The following ISX variants were observed in gnomAD, a reference collection of about 807,000 sequenced individuals.
ISX encodes the protein intestine specific homeobox, also known as intestine-specific homeobox.
Under a neutral mutation model 16.9 loss-of-function variants are expected in ISX, and 15 were observed. The observed-to-expected ratio is 0.89, with a 90% CI of 0.59 to 1.36. The LOEUF (loss-of-function observed/expected upper bound fraction) is 1.36, where lower values mean the gene tolerates loss of function less well. Ranked by LOEUF, ISX falls within the 40% of genes most tolerant of loss-of-function variation. The pLI is 0.00. For synonymous variants in ISX, 125 were observed against 119.7 expected (o/e 1.04, Z -0.29); for missense variants, 316 against 306.1 (o/e 1.03, Z -0.24).
At chr22:35,075,071 C>T (rs73883512) in intron 2 of ISX, among the ~76,000 whole-genome samples, 1,525 of 152,242 alleles carry the variant, frequency 0.01, 28 homozygotes, top group African/African-American at 0.035. Flanking sequence ...AATACAAATA[C>T]GATATACAAA....
At chr22:35,069,357 T>C (rs1372247888) in intron 2 of ISX, among the ~76,000 whole-genome samples, 1 of 152,082 alleles carries the variant, frequency 6.6e-6, no homozygotes, top group Non-Finnish European at 1.5e-5. Flanking sequence ...AGGGCAGGGT[T>C]TCAGGAAACC....
chr22:35,082,567 G>A lies in ISX; in HGVS notation c.279G>A (p.Gln93=). ...RRVRTTFTTE[Q]LHELEKIFHF... is the part of the protein sequence containing the mutation. ...TTCGTACCACCTTCACCACTGAGCAGCTGCATGAGCTGGAGAAGATCTTCC... is the reference window on the plus strand; with the variant it reads ...TTCGTACCACCTTCACCACTGAGCAACTGCATGAGCTGGAGAAGATCTTCC... Residue 93 remains glutamine, a synonymous_variant, in exon 3 of 5, where the codon CAG becomes CAA. Transcript: ENST00000404699. The A allele has an allele frequency of 6.2e-7, 1 of 1,614,190 alleles. No homozygotes were observed. Among genetic ancestry groups the A allele is most frequent in the Non-Finnish European group, 8.5e-7 (1 of 1,180,036 alleles).
rs1002912729 is a variant in ISX at position 35,086,375 on chromosome 22, A to C, written c.*682A>C. ...GTAGAAAGTTTTTTAAATTCTAAAC[A>C]GGATTTAGTGTCTTTAGTTATCTTG... On this transcript the variant is annotated 3_prime_UTR_variant, in exon 5 of 5. Coordinates refer to ENST00000404699, the MANE Select transcript of ISX (RefSeq NM_001303508.2). The C allele has an allele frequency of 1.3e-5, 2 of 153,130 alleles. No individual in the cohort carries two copies. The highest frequency in any genetic ancestry group is 2.9e-5 in the Non-Finnish European group (2 of 68,722). The allele number at this position is 153,130 out of a possible 1,614,324, so 9.5% of individuals were successfully genotyped here.
rs540716813 is a variant in ISX, at chr22:35,087,033, A to G, written c.*1340A>G. 1 of 152,326 alleles carries G rather than the reference A, an allele frequency of 6.6e-6. No individual in the cohort carries two copies. Among genetic ancestry groups the G allele is most frequent in the African/African-American group, 2.4e-5 (1 of 41,556 alleles). 9.4% of individuals were successfully genotyped at this position (152,326 alleles called of 1,614,324 possible). A position where few individuals can be genotyped will look rare whatever the true frequency, so the allele number is the denominator to read the frequency against. On this transcript the variant is annotated 3_prime_UTR_variant, in exon 5 of 5. Coordinates refer to ENST00000404699, the MANE Select transcript of ISX (RefSeq NM_001303508.2). ...TAGGTCTTAGTCCTACACTCCTTCT[A>G]ATTTGCTGTGTAACCTTACCATTAA... is the stretch of plus-strand genomic sequence containing the variant.
Position 35,085,498 on chromosome 22 carries a change from C to A in ISX, c.543C>A (p.Pro181=), listed in dbSNP as rs769706935. 1.9e-6 allele frequency: 3 copies of A among 1,614,082 alleles called. No homozygotes were observed. In the African/African-American group the frequency reaches 4.0e-5, roughly 22 times the overall value. Residue 181 remains proline (P), a synonymous_variant, in exon 5 of 5, where the codon CCC becomes CCA. Coordinates refer to ENST00000404699, the MANE Select transcript of ISX (RefSeq NM_001303508.2). ...TSTALRRLAP[P]TSCCPSAQDQ... ...CTGCTCTGCGCAGGCTGGCTCCTCC[C>A]ACGAGCTGTTGTCCATCGGCTCAAG...
At chr22:35,078,839 C>T (rs556187264) in intron 2 of ISX, among the ~76,000 whole-genome samples, 2 of 152,360 alleles carry the variant, frequency 1.3e-5, no homozygotes, top group African/African-American at 2.4e-5. Context: ...TGCAGGCAAG[C>T]CTGCGGTGAG....
In ISX at chr22:35,067,185, T is replaced by A; in HGVS notation, c.98T>A (p.Ile33Asn). 1 of 1,612,960 alleles carries A rather than the reference T, an allele frequency of 6.2e-7. No individual in the cohort carries two copies. The highest frequency in any genetic ancestry group is 8.5e-7 in the Non-Finnish European group (1 of 1,179,424). Reference protein sequence around the residue: ...APKKLSLSFSIEAILKRPARR... With the variant: ...APKKLSLSFSNEAILKRPARR... ...AAGAAGCTGAGCCTGTCCTTCTCCA[T>A]TGAGGCGATCCTAAAGAGGCCTGCC... The change falls in exon 2 of 5, where the codon ATT becomes AAT. Residue 33 changes from isoleucine to asparagine, a missense_variant. Coordinates refer to ENST00000404699, the MANE Select transcript of ISX (RefSeq NM_001303508.2).
intron 2 of ISX, among the ~76,000 whole-genome samples, chr22:35,069,047 C>CTGGCT (rs1928781047): frequency 2.6e-5 from 4 of 151,976 alleles, no homozygotes; most frequent in Non-Finnish European, 5.9e-5. Context: ...GAGAGGGTCC[C>CTGGCT]ACTGGCGGCT....
At chr22:35,067,654 A>G (rs116549462) in intron 2 of ISX, among the ~76,000 whole-genome samples, 3 of 152,356 alleles carry the variant, frequency 2.0e-5, no homozygotes, top group South Asian at 2.1e-4. Context: ...CATGATTATC[A>G]TAACTGGACA....
At chr22:35,073,024 G>A in intron 2 of ISX, among the ~76,000 whole-genome samples, 1 of 152,138 alleles carries the variant, frequency 6.6e-6, no homozygotes, top group South Asian at 2.1e-4. Flanking sequence ...CCCTATATAG[G>A]GCCCTCCACA....
At chr22:35,070,187 C>T (rs1404638193) in intron 2 of ISX, among the ~76,000 whole-genome samples, 1 of 152,226 alleles carries the variant, frequency 6.6e-6, no homozygotes, top group Non-Finnish European at 1.5e-5. Context: ...AAGGTCCCCC[C>T]TGACATCTTC....
chr22:35,085,638 G>T lies in ISX; in HGVS notation c.683G>T (p.Cys228Phe), dbSNP rs1440263513. Residue 228 changes from cysteine (C) to phenylalanine (F), a missense_variant, in exon 5 of 5, where the codon TGC becomes TTC. Physicochemically the swap from Cys to Phe is radical, Grantham distance 205 (BLOSUM62 -2). Coordinates refer to ENST00000404699, the MANE Select transcript of ISX (RefSeq NM_001303508.2). ...PIHQTCIPVLCILPPPHPKWG... is the reference protein window; with the variant it reads ...PIHQTCIPVLFILPPPHPKWG... ...CATCAAACTTGCATCCCTGTGCTATGCATCCTTCCACCTCCACACCCCAAA... is the reference window on the plus strand; with the variant it reads ...CATCAAACTTGCATCCCTGTGCTATTCATCCTTCCACCTCCACACCCCAAA... The T allele has an allele frequency of 4.3e-6, 7 of 1,614,204 alleles. No individual in the cohort carries two copies. The highest frequency in any genetic ancestry group is 5.9e-6 in the Non-Finnish European group (7 of 1,180,036).
chr22:35,076,241 A>T lies in ISX; in HGVS notation c.230-6277A>T, dbSNP rs4821358. On this transcript the variant is annotated intron_variant, in intron 2 of 4. Transcript: ENST00000404699. Reference sequence around the variant, plus strand: ...GAGGACAAGGAATTCCAGACTCAGGAAGCGCAGAACAAGGACCTGGAAAAT... The same window carrying T: ...GAGGACAAGGAATTCCAGACTCAGGTAGCGCAGAACAAGGACCTGGAAAAT... Among the ~76,000 whole-genome samples, 6 of 152,000 alleles carry T rather than the reference A, an allele frequency of 3.9e-5. No individual in the cohort carries two copies. In the East Asian group the frequency reaches 1.2e-3, roughly 29 times the overall value.
chr22:35,077,013 T>C (rs1928999544), intron 2 of ISX, among the ~76,000 whole-genome samples: 1 of 152,132 alleles, frequency 6.6e-6, no homozygotes, highest in Admixed American at 6.6e-5. Context: ...GCCCAGAACC[T>C]GGTAGGGAGA....
chr22:35,073,553 A>G (rs1415344008), intron 2 of ISX, among the ~76,000 whole-genome samples: 1 of 152,226 alleles, frequency 6.6e-6, no homozygotes, highest in Non-Finnish European at 1.5e-5. Context: ...TGAAAGTACA[A>G]TTACAATTGT....
intron 3 of ISX, among the ~76,000 whole-genome samples, chr22:35,083,259 A>C (rs1234293648): frequency 6.6e-6 from 1 of 152,210 alleles, no homozygotes; most frequent in Non-Finnish European, 1.5e-5. Context: ...ACCATTCAAA[A>C]ACAGGTGAAA....
intron 3 of ISX, 130 bp from the exon 4 acceptor site, chr22:35,084,253 T>C (rs549642089): frequency 7.4e-5 from 45 of 611,600 alleles, no homozygotes; most frequent in Non-Finnish European, 3.1e-5. Flanking sequence ...AAAGACATCC[T>C]GGATGCCACA....
At chr22:35,072,611 G>A (rs1928884607) in intron 2 of ISX, among the ~76,000 whole-genome samples, 1 of 152,184 alleles carries the variant, frequency 6.6e-6, no homozygotes, top group South Asian at 2.1e-4. Context: ...GGCCCAGAAT[G>A]TCAGAGCTAG....
At chr22:35,082,341 G>A (rs887106203) in intron 2 of ISX, among the ~76,000 whole-genome samples, 177 bp from the exon 3 acceptor site, 16 of 152,208 alleles carry the variant, frequency 1.1e-4, no homozygotes, top group Non-Finnish European at 2.1e-4. Flanking sequence ...GGTGAGGGTC[G>A]GTCTAGAGGC....
Sources: allele counts gnomAD v4.1 joint callset (sites outside exome capture counted in the v4.1 genomes callset), GRCh38; gene constraint gnomAD v4.1.1; transcripts MANE v1.5; gene names NCBI Gene and HGNC (gene_info 2026-07-23, HGNC 2026-07-21).